Variants in PARD3B observed in about 807,000 individuals in gnomAD.
PARD3B encodes the protein partitioning defective 3 homolog B.
Under a neutral mutation model 130.2 loss-of-function variants are expected in PARD3B, and 103 were observed. That is an observed-to-expected ratio of 0.79 (90% confidence interval 0.67 to 0.93). The LOEUF (loss-of-function observed/expected upper bound fraction) is 0.93, where lower values mean the gene tolerates loss of function less well. Among genes scored for constraint, PARD3B ranks in the 40% least tolerant of loss-of-function variants. The pLI, the probability that PARD3B is intolerant of heterozygous loss-of-function variation, is 0.00. For missense variants in PARD3B, 1,609 were observed against 1,499.2 expected, an observed-to-expected ratio of 1.07 and a Z score of -1.21; for synonymous variants, 583 against 553.2, an observed-to-expected ratio of 1.05 and a Z score of -0.76.
chr2:204,627,971 A>G (rs950112192), intron 1 of PARD3B, among the ~76,000 whole-genome samples: 2 of 125,520 alleles, frequency 1.6e-5, no homozygotes, highest in Admixed American at 9.6e-5. Context: ...TTAAAACACT[A>G]TGAGTTTTTT....
intron 2 of PARD3B, among the ~76,000 whole-genome samples, chr2:204,838,251 C>T (rs879582453): frequency 6.6e-5 from 10 of 151,148 alleles, no homozygotes; most frequent in African/African-American, 1.5e-4. Context: ...GGCACGATCT[C>T]GGCTCACTGC....
chr2:204,899,759 C>G (rs1014342849), intron 2 of PARD3B, among the ~76,000 whole-genome samples: 2 of 152,158 alleles, frequency 1.3e-5, no homozygotes, highest in Non-Finnish European at 2.9e-5. Context: ...TCTCTTTCAG[C>G]TTGAAGAACT....
At chr2:205,103,900 A>T in intron 4 of PARD3B, 1 of 224,154 alleles carries the variant, frequency 4.5e-6, no homozygotes, top group East Asian at 1.8e-4. Flanking sequence ...TCTGAAGATT[A>T]TCCTCAGAGT....
rs2055436760 is a variant in PARD3B at position 205,616,349 on chromosome 2, A to G, written c.*536A>G. ...GAGTATAGGTTTTTTGACTAAGAAAAAAAACAACAGCAAACATGACTAGTG... is the reference window on the plus strand; with the variant it reads ...GAGTATAGGTTTTTTGACTAAGAAAGAAAACAACAGCAAACATGACTAGTG... On this transcript the variant is annotated 3_prime_UTR_variant, in exon 23 of 23. Coordinates refer to ENST00000406610, the MANE Select transcript of PARD3B (RefSeq NM_001302769.2). The G allele has an allele frequency of 6.6e-6, 1 of 152,576 alleles. No individual in the cohort carries two copies. The highest frequency in any genetic ancestry group is 6.5e-5 in the Admixed American group (1 of 15,290). The allele number at this position is 152,576 out of a possible 1,614,324, so 9.5% of individuals were successfully genotyped here.
intron 19 of PARD3B, among the ~76,000 whole-genome samples, chr2:205,401,420 G>A (rs1008402249): frequency 4.6e-5 from 7 of 151,970 alleles, no homozygotes; most frequent in Non-Finnish European, 8.8e-5. Context: ...TCCAAAGAAA[G>A]GTCATTTGGA....
At chr2:204,899,460 C>T (rs902942345) in intron 2 of PARD3B, among the ~76,000 whole-genome samples, 15 of 152,122 alleles carry the variant, frequency 9.9e-5, no homozygotes, top group African/African-American at 3.6e-4. Flanking sequence ...CTGATGACAG[C>T]TTACCACTGA....
rs1341728196 is a variant in PARD3B, at chr2:204,623,028, A to G, written c.121-63153A>G. Among the ~76,000 whole-genome samples, 7 of 152,062 alleles carry G rather than the reference A, an allele frequency of 4.6e-5. No homozygotes were observed. Among genetic ancestry groups the G allele is most frequent in the Non-Finnish European group, 1.0e-4 (7 of 68,000 alleles). ...GGCAGTGCTTTGTCAGAGATGGCAG[A>G]CTATAAATTGGATCTTGAATTCTGA... On this transcript the variant is annotated intron_variant, in intron 1 of 22. Coordinates refer to ENST00000406610, the MANE Select transcript of PARD3B (RefSeq NM_001302769.2). This position sits in a 1 kb window ranked among gnomAD's most constrained non-coding sequence, Gnocchi z 4.5.
At chr2:204,826,896 T>A (rs1270421966) in intron 2 of PARD3B, among the ~76,000 whole-genome samples, 1 of 152,138 alleles carries the variant, frequency 6.6e-6, no homozygotes, top group Non-Finnish European at 1.5e-5. Context: ...GGTATGTGCC[T>A]ATAGTCCTAG....
At chr2:204,851,519 A>T (rs1166743006) in intron 2 of PARD3B, among the ~76,000 whole-genome samples, 1 of 152,224 alleles carries the variant, frequency 6.6e-6, no homozygotes, top group Non-Finnish European at 1.5e-5. Flanking sequence ...TTATTCTAAC[A>T]TTAACTTTAA....
At chr2:204,824,185 G>A (rs553570520) in intron 2 of PARD3B, among the ~76,000 whole-genome samples, 1 of 152,288 alleles carries the variant, frequency 6.6e-6, no homozygotes, top group East Asian at 1.9e-4. Context: ...GCTCTCATCT[G>A]TACACCCAGG....
Position 204,619,325 on chromosome 2 carries a change from AT to A in PARD3B, c.121-66853del, listed in dbSNP as rs200112772. 6.0e-3 allele frequency among the ~76,000 whole-genome samples: 920 copies of A among 152,276 alleles called. 9 individuals carry two copies. The highest frequency in any genetic ancestry group is 0.021 in the African/African-American group (886 of 41,550). On this transcript the variant is annotated intron_variant, in intron 1 of 22. Transcript: ENST00000406610. Reference sequence around the variant, plus strand: ...GTTTCAGGAGAATTAATTGGCAGGCATTTCATCATGGGCTACTAGTGACAGC... The same window carrying A: ...GTTTCAGGAGAATTAATTGGCAGGCATTCATCATGGGCTACTAGTGACAGC...
chr2:204,752,651 G>C (rs1486046412), intron 2 of PARD3B, among the ~76,000 whole-genome samples: 1 of 152,036 alleles, frequency 6.6e-6, no homozygotes, highest in Non-Finnish European at 1.5e-5. Flanking sequence ...ATTTTCTTCA[G>C]TTGATCCCTA....
At chr2:205,439,613 G>T (rs1281643297) in intron 19 of PARD3B, among the ~76,000 whole-genome samples, 2 of 152,164 alleles carry the variant, frequency 1.3e-5, no homozygotes, top group African/African-American at 4.8e-5. Flanking sequence ...ACTGCACAGT[G>T]GCACTGATTA....
intron 3 of PARD3B, among the ~76,000 whole-genome samples, chr2:205,020,588 T>C (rs1696520851): frequency 6.6e-6 from 1 of 152,180 alleles, no homozygotes; most frequent in Non-Finnish European, 1.5e-5. Context: ...GAAGAGTTGA[T>C]ATTTTAAGTT....
At chr2:204,884,054 G>A (rs1172763093) in intron 2 of PARD3B, among the ~76,000 whole-genome samples, 3 of 152,014 alleles carry the variant, frequency 2.0e-5, no homozygotes, top group Non-Finnish European at 4.4e-5. Flanking sequence ...TTTCTTTATG[G>A]GAATAAATAC....
At chr2:205,106,782 A>G (rs187288751) in intron 5 of PARD3B, among the ~76,000 whole-genome samples, 1 of 152,306 alleles carries the variant, frequency 6.6e-6, no homozygotes, top group African/African-American at 2.4e-5. Flanking sequence ...TCAGTTTTAT[A>G]TCAAATTCAA....
intron 21 of PARD3B, among the ~76,000 whole-genome samples, chr2:205,529,680 C>G (rs1014033063): frequency 2.0e-5 from 3 of 152,212 alleles, no homozygotes; most frequent in South Asian, 4.1e-4. Flanking sequence ...TTGGACATGC[C>G]ATTAGGTAGA....
At chr2:205,283,135 A>G (rs2041256492) in intron 16 of PARD3B, among the ~76,000 whole-genome samples, 1 of 152,198 alleles carries the variant, frequency 6.6e-6, no homozygotes. Context: ...TATAGGCCCA[A>G]TTAGCCACTC....
At chr2:204,888,004 A>G (rs2046320751) in intron 2 of PARD3B, among the ~76,000 whole-genome samples, 1 of 152,132 alleles carries the variant, frequency 6.6e-6, no homozygotes, top group South Asian at 2.1e-4. Flanking sequence ...ATCATTGGTG[A>G]AGTGTCAAGA....
Sources: gnomAD v4.1 joint callset for allele counts (sites outside exome capture counted in the v4.1 genomes callset) on GRCh38, gnomAD v4.1.1 for gene constraint, Gnocchi (gnomAD v3.1) non-coding constraint, MANE v1.5 for transcripts, NCBI Gene and HGNC (gene_info 2026-07-23, HGNC 2026-07-21) for gene names.